The following STRIP2 variants were observed in gnomAD, a reference collection of about 807,000 sequenced individuals.
STRIP2 encodes striatin-interacting protein 2.
In STRIP2, 84 loss-of-function variants were observed where a neutral mutation model predicts 107.1. The ratio of observed to expected loss-of-function variants is 0.78; its 90% CI spans 0.66 to 0.94. STRIP2 has a LOEUF of 0.94. Among genes scored for constraint, STRIP2 ranks in the 40% least tolerant of loss-of-function variants. The probability of loss-of-function intolerance (pLI) is 0.00; values close to 1 mark genes in which losing one functional copy is unlikely to be tolerated. For missense variants in STRIP2, 888 were observed against 1,034.2 expected, an observed-to-expected ratio of 0.86 and a Z score of 1.94; for synonymous variants, 394 against 400.4, an observed-to-expected ratio of 0.98 and a Z score of 0.19.
At chr7:129,470,624 C>T (rs1446178041) in intron 17 of STRIP2, 25 bp from the exon 18 acceptor site, 1 of 1,602,232 alleles carries the variant, frequency 6.2e-7, no homozygotes, top group Admixed American at 1.7e-5. Context: ...TACCTAAAGC[C>T]TGTCCTTATC....
At chr7:129,477,924 TATC>T (rs1345827463) in intron 18 of STRIP2, 1 of 520,984 alleles carries the variant, frequency 1.9e-6, no homozygotes, top group African/African-American at 1.9e-5. Context: ...GACAAGAAGT[TATC>T]ATTGAAATTA....
intron 1 of STRIP2, among the ~76,000 whole-genome samples, chr7:129,437,318 G>T (rs187968721): frequency 6.6e-6 from 1 of 152,094 alleles, no homozygotes; most frequent in Non-Finnish European, 1.5e-5. Flanking sequence ...ATGATGGTGC[G>T]CGCCTGTTGT....
At chr7:129,435,837 C>A in intron 1 of STRIP2, among the ~76,000 whole-genome samples, 1 of 152,154 alleles carries the variant, frequency 6.6e-6, no homozygotes, top group African/African-American at 2.4e-5. Context: ...TTTTGGCATC[C>A]CAGACCTTGC....
chr7:129,480,731 T>G lies in STRIP2; in HGVS notation c.1945-54T>G, dbSNP rs1055175220. 8.2e-6 allele frequency: 12 copies of G among 1,462,070 alleles called. No homozygotes were observed. In the Admixed American group the frequency reaches 2.1e-4, roughly 26 times the overall value. 90.6% of individuals were successfully genotyped at this position (1,462,070 alleles called of 1,614,324 possible). A position where few individuals can be genotyped will look rare whatever the true frequency, so the allele number is the denominator to read the frequency against. On this transcript the variant is annotated intron_variant, in intron 18 of 20. Transcript: ENST00000249344. The stretch of plus-strand genomic sequence containing the variant: ...ACCAACATTGACTTCCAGGCTTCTG[T>G]GGGAATTAAAGCCTTGTAGGTATTA...
intron 1 of STRIP2, among the ~76,000 whole-genome samples, chr7:129,438,399 T>C (rs1429523683): frequency 6.6e-6 from 1 of 152,238 alleles, no homozygotes; most frequent in Non-Finnish European, 1.5e-5. Flanking sequence ...GTGAGAAGAA[T>C]GCCTTTATAG....
chr7:129,453,475 A>G (rs1222320107), intron 5 of STRIP2, 128 bp downstream of exon 5: 3 of 1,187,858 alleles, frequency 2.5e-6, no homozygotes, highest in Non-Finnish European at 1.2e-6. Context: ...ACCTCAGCCC[A>G]AAGCTCATTG....
intron 1 of STRIP2, among the ~76,000 whole-genome samples, chr7:129,436,556 C>T (rs1446812580): frequency 1.3e-5 from 2 of 152,214 alleles, no homozygotes; most frequent in African/African-American, 4.8e-5. Context: ...CTGCCAAAAG[C>T]CTGGCTGGAA....
intron 18 of STRIP2, 78 bp from the exon 19 acceptor site, chr7:129,480,707 C>T: frequency 1.6e-6 from 2 of 1,255,696 alleles, no homozygotes; most frequent in Non-Finnish European, 2.3e-6. Flanking sequence ...CCTAAACTGA[C>T]CAACATTGAC....
intron 3 of STRIP2, among the ~76,000 whole-genome samples, chr7:129,447,163 GC>G (rs1798060101): frequency 6.6e-6 from 1 of 152,186 alleles, no homozygotes; most frequent in Non-Finnish European, 1.5e-5. Flanking sequence ...TTGCACAACA[GC>G]CTGGGCCTGT....
intron 18 of STRIP2, among the ~76,000 whole-genome samples, chr7:129,473,804 G>A (rs998662541): frequency 6.6e-6 from 1 of 151,994 alleles, no homozygotes; most frequent in Non-Finnish European, 1.5e-5. Context: ...TGCAACCTCT[G>A]CCTCCCGGGT....
chr7:129,467,011 G>A (rs1368337603), intron 16 of STRIP2, among the ~76,000 whole-genome samples: 1 of 152,214 alleles, frequency 6.6e-6, no homozygotes, highest in Non-Finnish European at 1.5e-5. Flanking sequence ...ATGAGCCAGA[G>A]GTTTGGCATG....
At chr7:129,453,382 A>G in intron 5 of STRIP2, 35 bp downstream of exon 5, 2 of 1,612,298 alleles carry the variant, frequency 1.2e-6, no homozygotes, top group Non-Finnish European at 1.7e-6. Context: ...GGCCTACATA[A>G]CCCCCATTCC....
At chr7:129,442,784 A>G (rs1353973302) in intron 2 of STRIP2, among the ~76,000 whole-genome samples, 1 of 152,186 alleles carries the variant, frequency 6.6e-6, no homozygotes, top group Non-Finnish European at 1.5e-5. Flanking sequence ...CTCCCAGACA[A>G]GGTGTTTCTC....
At chr7:129,439,269 C>T (rs1447882286) in intron 1 of STRIP2, among the ~76,000 whole-genome samples, 1 of 152,052 alleles carries the variant, frequency 6.6e-6, no homozygotes, top group Non-Finnish European at 1.5e-5. Context: ...GAACCAGGGG[C>T]AAAGAACAGT....
chr7:129,476,532 C>G (rs1345022834), intron 18 of STRIP2, among the ~76,000 whole-genome samples: 2 of 151,050 alleles, frequency 1.3e-5, no homozygotes, highest in African/African-American at 4.9e-5. Flanking sequence ...TCCTCAGCTC[C>G]CAGACAGGGT....
At chr7:129,473,442 C>T (rs1798840823) in intron 18 of STRIP2, among the ~76,000 whole-genome samples, 1 of 151,750 alleles carries the variant, frequency 6.6e-6, no homozygotes, top group African/African-American at 2.4e-5. Context: ...AAGCACGGCC[C>T]ATCGCAGCCT....
At chr7:129,442,333 A>C (rs1216946325) in intron 2 of STRIP2, among the ~76,000 whole-genome samples, 1 of 152,204 alleles carries the variant, frequency 6.6e-6, no homozygotes, top group Non-Finnish European at 1.5e-5. Context: ...TTTTAAACAG[A>C]GCAATATCAT....
At chr7:129,451,542 A>T in intron 3 of STRIP2, 71 bp from the exon 4 acceptor site, 4 of 1,569,476 alleles carry the variant, frequency 2.5e-6, no homozygotes, top group Non-Finnish European at 3.5e-6. Context: ...AGAGGTGGAT[A>T]TGCTATGAGG....
At chr7:129,452,184 G>A (rs2150995785) in intron 4 of STRIP2, among the ~76,000 whole-genome samples, 1 of 152,304 alleles carries the variant, frequency 6.6e-6, no homozygotes, top group South Asian at 2.1e-4. Flanking sequence ...CATTTTGAAA[G>A]TTCAAGCCAA....
Sources: gnomAD v4.1 joint callset for allele counts (sites outside exome capture counted in the v4.1 genomes callset) on GRCh38, gnomAD v4.1.1 for gene constraint, MANE v1.5 for transcripts, NCBI Gene and HGNC (gene_info 2026-07-23, HGNC 2026-07-21) for gene names.